Variants in ARL8B observed in about 807,000 individuals in gnomAD.
ARL8B encodes ARF like GTPase 8B, also known as ADP-ribosylation factor-like protein 8B.
Under a neutral mutation model 30.6 loss-of-function variants are expected in ARL8B, and 9 were observed. That is an observed-to-expected ratio of 0.29 (90% CI 0.18 to 0.51). The LOEUF (loss-of-function observed/expected upper bound fraction) is 0.51. ARL8B is among the 20% of genes least tolerant of loss of function. ARL8B has a pLI of 0.97. For missense variants in ARL8B, 130 were observed against 227.2 expected (o/e 0.57, Z 2.75); for synonymous variants, 74 against 76.0 (o/e 0.97, Z 0.14).
intron 1 of ARL8B, among the ~76,000 whole-genome samples, chr3:5,169,089 G>T (rs1451851153): frequency 6.6e-6 from 1 of 151,960 alleles, no homozygotes; most frequent in Non-Finnish European, 1.5e-5. Context: ...AAAAATTTTG[G>T]TAAAATACAT....
intron 1 of ARL8B, among the ~76,000 whole-genome samples, chr3:5,143,911 A>T (rs927535001): frequency 1.3e-5 from 2 of 152,230 alleles, no homozygotes; most frequent in African/African-American, 2.4e-5. Context: ...GACAATCCCA[A>T]GTCTTTTCTT....
At chr3:5,173,219 G>A (rs369843188) in intron 4 of ARL8B, among the ~76,000 whole-genome samples, 1 of 152,252 alleles carries the variant, frequency 6.6e-6, no homozygotes, top group Non-Finnish European at 1.5e-5. Context: ...CAAATGTGAG[G>A]TATATGACAG....
chr3:5,174,490 C>A, intron 6 of ARL8B, 76 bp downstream of exon 6: 2 of 971,572 alleles, frequency 2.1e-6, no homozygotes, highest in Non-Finnish European at 3.2e-6. Flanking sequence ...AGCTTATTGT[C>A]TCGATTTCTC....
chr3:5,159,297 CAAAAAAAAAAA>C (rs56033027), intron 1 of ARL8B, among the ~76,000 whole-genome samples: 1 of 53,012 alleles, frequency 1.9e-5, no homozygotes, highest in Non-Finnish European at 3.6e-5. Flanking sequence ...GACTCTGTCT[CAAAAAAAAAAA>C]AAAAAAAAAA....
chr3:5,125,470 A>G (rs2054222306), intron 1 of ARL8B, among the ~76,000 whole-genome samples: 1 of 149,638 alleles, frequency 6.7e-6, no homozygotes, highest in African/African-American at 2.5e-5. Context: ...AGATTATTAT[A>G]TTTAACAACA....
At chr3:5,147,096 A>C (rs2054426061) in intron 1 of ARL8B, among the ~76,000 whole-genome samples, 2 of 151,726 alleles carry the variant, frequency 1.3e-5, no homozygotes, top group African/African-American at 4.9e-5. Context: ...ATATGTATAC[A>C]TGTGCCATGT....
At chr3:5,122,670 C>A in intron 1 of ARL8B, 82 bp downstream of exon 1, 2 of 1,469,496 alleles carry the variant, frequency 1.4e-6, no homozygotes, top group African/African-American at 1.4e-5. Flanking sequence ...GAGTTGGGGC[C>A]CCCCTCGGCG....
intron 4 of ARL8B, 45 bp downstream of exon 4, chr3:5,172,785 A>G: frequency 8.7e-7 from 1 of 1,143,304 alleles, no homozygotes; most frequent in Middle Eastern, 2.6e-4. Context: ...TTATATAATG[A>G]TATTAATTAT....
At chr3:5,150,860 G>A (rs2054476877) in intron 1 of ARL8B, among the ~76,000 whole-genome samples, 1 of 152,198 alleles carries the variant, frequency 6.6e-6, no homozygotes, top group Admixed American at 6.5e-5. Context: ...TTCTTTTTAA[G>A]AAGCTTTGAA....
chr3:5,155,505 GTCT>G (rs2054524179), intron 1 of ARL8B, among the ~76,000 whole-genome samples: 1 of 152,024 alleles, frequency 6.6e-6, no homozygotes, highest in Non-Finnish European at 1.5e-5. Flanking sequence ...CCTATTATCT[GTCT>G]TCTTTTAGGA....
chr3:5,156,187 G>T (rs2054531743), intron 1 of ARL8B, among the ~76,000 whole-genome samples: 1 of 152,036 alleles, frequency 6.6e-6, no homozygotes, highest in African/African-American at 2.4e-5. Context: ...ATAGGCGTCA[G>T]CCCCCGCACT....
chr3:5,127,770 G>A (rs556686104), intron 1 of ARL8B, among the ~76,000 whole-genome samples: 1 of 151,722 alleles, frequency 6.6e-6, no homozygotes, highest in East Asian at 1.9e-4. Flanking sequence ...CTACTCGGGA[G>A]GCTGAGGTAG....
At chr3:5,148,624 T>G (rs1305828532) in intron 1 of ARL8B, among the ~76,000 whole-genome samples, 2 of 152,100 alleles carry the variant, frequency 1.3e-5, no homozygotes. Context: ...GGGAGCTAAT[T>G]TTTTGATCCA....
At chr3:5,155,927 G>A (rs1282842304) in intron 1 of ARL8B, among the ~76,000 whole-genome samples, 1 of 151,148 alleles carries the variant, frequency 6.6e-6, no homozygotes, top group Admixed American at 6.6e-5. Context: ...TTTTGAGACA[G>A]GGTCTTGCTC....
intron 1 of ARL8B, among the ~76,000 whole-genome samples, chr3:5,137,679 C>T (rs2054339748): frequency 6.6e-6 from 1 of 152,126 alleles, no homozygotes; most frequent in African/African-American, 2.4e-5. Flanking sequence ...CTCAAATGAT[C>T]CACCCGCCTT....
chr3:5,130,195 T>TA (rs575473053), intron 1 of ARL8B, among the ~76,000 whole-genome samples: 5,589 of 78,980 alleles, frequency 0.071, 280 homozygotes, highest in African/African-American at 0.3. Flanking sequence ...AAAATATATA[T>TA]TTTTTTTTTG....
intron 1 of ARL8B, among the ~76,000 whole-genome samples, chr3:5,127,382 T>G (rs1024640777): frequency 6.6e-6 from 1 of 152,220 alleles, no homozygotes; most frequent in Admixed American, 6.5e-5. Context: ...AAAAATCAGC[T>G]GCAGTTTTTG....
chr3:5,178,757 G>T lies in ARL8B; in HGVS notation c.*44G>T. 6.2e-7 allele frequency: 1 copy of T among 1,609,818 alleles called. No individual in the cohort carries two copies. The highest frequency in any genetic ancestry group is 1.1e-5 in the South Asian group (1 of 90,862). ...CCAGTCCTTCTTGGCTATAATCCTA[G>T]AATTATTGTCCGTTCCTCTGAAGTA... On this transcript the variant is annotated 3_prime_UTR_variant, in exon 7 of 7. Coordinates refer to ENST00000256496, the MANE Select transcript of ARL8B (RefSeq NM_018184.3).
chr3:5,173,473 A>C (rs1259559619), intron 4 of ARL8B, among the ~76,000 whole-genome samples: 4 of 152,210 alleles, frequency 2.6e-5, no homozygotes, highest in African/African-American at 9.6e-5. Flanking sequence ...GCGGTGGCTC[A>C]TGCCTGTAAT....
Sources: allele counts gnomAD v4.1 joint callset (sites outside exome capture counted in the v4.1 genomes callset), GRCh38; gene constraint gnomAD v4.1.1; transcripts MANE v1.5; gene names NCBI Gene and HGNC (gene_info 2026-07-23, HGNC 2026-07-21).